The following PRKAG2 variants were observed in gnomAD, a reference collection of about 807,000 sequenced individuals.
PRKAG2 encodes the protein protein kinase AMP-activated non-catalytic subunit gamma 2.
PRKAG2 carries 26 observed loss-of-function variants against 69.6 expected under a neutral mutation model. That is an observed-to-expected ratio of 0.37 (90% confidence interval 0.27 to 0.52). The LOEUF is 0.52. Ranked by LOEUF, PRKAG2 falls within the 20% of genes least tolerant of loss-of-function variation. The probability of loss-of-function intolerance (pLI) is 0.90; values close to 1 mark genes in which losing one functional copy is unlikely to be tolerated. For synonymous variants in PRKAG2, 293 were observed against 285.0 expected (o/e 1.03, Z -0.28); for missense variants, 557 against 740.0 (o/e 0.75, Z 2.87).
At chr7:151,711,989 G>A (rs1053913394) in intron 3 of PRKAG2, among the ~76,000 whole-genome samples, 1 of 152,184 alleles carries the variant, frequency 6.6e-6, no homozygotes. Flanking sequence ...TTTCCCAGGC[G>A]CCCCAGGTGG....
intron 5 of PRKAG2, among the ~76,000 whole-genome samples, chr7:151,625,693 G>A (rs1822671863): frequency 6.6e-6 from 1 of 152,162 alleles, no homozygotes; most frequent in African/African-American, 2.4e-5. Flanking sequence ...CTGGAGTCAA[G>A]CAGCTTTCCT....
intron 1 of PRKAG2, among the ~76,000 whole-genome samples, chr7:151,799,110 C>T (rs1323869293): frequency 6.6e-6 from 1 of 152,168 alleles, no homozygotes; most frequent in African/African-American, 2.4e-5. Flanking sequence ...ACCTCTAGCG[C>T]CTAAACCCAG....
intron 1 of PRKAG2, among the ~76,000 whole-genome samples, chr7:151,817,347 C>T (rs751755761): frequency 6.6e-6 from 1 of 152,208 alleles, no homozygotes; most frequent in Non-Finnish European, 1.5e-5. Flanking sequence ...ATTCATCCTC[C>T]TAAACTCTGT....
chr7:151,568,709 T>A lies in PRKAG2; in HGVS notation c.1233+7A>T. On this transcript the variant is annotated splice_region_variant and intron_variant, in intron 11 of 15. Coordinates refer to ENST00000287878, the MANE Select transcript of PRKAG2 (RefSeq NM_016203.4). The stretch of plus-strand genomic sequence containing the variant: ...TTATGTCTTTAGAAACGCTAAAAAC[T>A]ACTTACAAAAAGCTGGAGGAACTTG... 6.2e-7 allele frequency: 1 copy of A among 1,613,580 alleles called. No individual in the cohort carries two copies. Among genetic ancestry groups the A allele is most frequent in the Admixed American group, 1.7e-5 (1 of 60,028 alleles).
intron 1 of PRKAG2, among the ~76,000 whole-genome samples, chr7:151,854,415 G>A (rs1289250062): frequency 6.6e-6 from 1 of 152,220 alleles, no homozygotes. Flanking sequence ...GCTCCTCCAC[G>A]CCATCAGGGC....
intron 5 of PRKAG2, among the ~76,000 whole-genome samples, chr7:151,611,148 G>A (rs6464153): frequency 0.16 from 24,628 of 152,138 alleles, 2,763 homozygotes; most frequent in African/African-American, 0.31. Context: ...AGAAGGAACA[G>A]AGAAGAGATG....
At chr7:151,675,956 A>C (rs1233668290) in intron 3 of PRKAG2, among the ~76,000 whole-genome samples, 1 of 152,164 alleles carries the variant, frequency 6.6e-6, no homozygotes, top group Non-Finnish European at 1.5e-5. Context: ...CTGTTTCCAG[A>C]AACGCCTCAC....
chr7:151,875,562 G>GGGGTGTGTGTGT (rs1158947028), intron 1 of PRKAG2, among the ~76,000 whole-genome samples: 1 of 131,344 alleles, frequency 7.6e-6, no homozygotes, highest in African/African-American at 2.9e-5. Context: ...GGAGCACTCT[G>GGGGTGTGTGTGT]GTGTGTGTGT....
At chr7:151,611,327 C>G (rs1332414103) in intron 5 of PRKAG2, among the ~76,000 whole-genome samples, 1 of 152,182 alleles carries the variant, frequency 6.6e-6, no homozygotes, top group African/African-American at 2.4e-5. Flanking sequence ...ACAGAACCAC[C>G]TTCGTTTACT....
chr7:151,862,418 G>A (rs910292449), intron 1 of PRKAG2, among the ~76,000 whole-genome samples: 1 of 152,152 alleles, frequency 6.6e-6, no homozygotes, highest in Non-Finnish European at 1.5e-5. Flanking sequence ...TGTAAAAAAC[G>A]GGTTCACTCA....
At chr7:151,796,822 A>G (rs958514289) in intron 1 of PRKAG2, among the ~76,000 whole-genome samples, 3 of 152,134 alleles carry the variant, frequency 2.0e-5, no homozygotes, top group African/African-American at 7.2e-5. Flanking sequence ...AGGGAATGAC[A>G]TCCTGATGCG....
At chr7:151,855,623 A>ACTCCACACACACCACC (rs1303807651) in intron 1 of PRKAG2, among the ~76,000 whole-genome samples, 1 of 92,910 alleles carries the variant, frequency 1.1e-5, no homozygotes, top group Non-Finnish European at 2.4e-5. Flanking sequence ...CACACACCAC[A>ACTCCACACACACCACC]CTCCACACAC....
Position 151,564,946 on chromosome 7 carries a change from G to A in PRKAG2, c.1437+400C>T, listed in dbSNP as rs536268319. On this transcript the variant is annotated intron_variant, in intron 13 of 15. Coordinates refer to ENST00000287878, the MANE Select transcript of PRKAG2 (RefSeq NM_016203.4). ...AGTGTCAGTCCCCTTTTCTTCTTTA[G>A]AACAGTGGCTCCCAATCACTAAGCA... Among the ~76,000 whole-genome samples the A allele has an allele frequency of 2.6e-5, 4 of 152,222 alleles. No homozygotes were observed. The East Asian group carries it at 7.7e-4, about 29-fold the overall frequency.
chr7:151,735,839 C>T (rs902689943), intron 3 of PRKAG2: 36 of 1,532,106 alleles, frequency 2.3e-5, no homozygotes, highest in Admixed American at 1.4e-4. Context: ...TGTGCACACA[C>T]GCCGTGGGGT....
chr7:151,765,902 C>T (rs950044279), intron 3 of PRKAG2, among the ~76,000 whole-genome samples: 1 of 152,214 alleles, frequency 6.6e-6, no homozygotes, highest in African/African-American at 2.4e-5. Context: ...TGACCCCTGG[C>T]ACTCCTGACC....
At chr7:151,604,703 C>A (rs1457035617) in intron 5 of PRKAG2, among the ~76,000 whole-genome samples, 1 of 151,906 alleles carries the variant, frequency 6.6e-6, no homozygotes, top group Non-Finnish European at 1.5e-5. Flanking sequence ...CCACATTATT[C>A]AGATTTCCTT....
intron 1 of PRKAG2, among the ~76,000 whole-genome samples, 195 bp from the exon 2 acceptor site, chr7:151,786,736 G>A (rs535674619): frequency 1.8e-4 from 27 of 152,272 alleles, no homozygotes; most frequent in Admixed American, 7.2e-4. Context: ...CTTCCAGAAC[G>A]TGCAGTCAAA....
chr7:151,703,845 AACAC>A (rs535818189), intron 3 of PRKAG2, among the ~76,000 whole-genome samples: 5,168 of 88,212 alleles, frequency 0.059, 123 homozygotes, highest in Non-Finnish European at 0.063. Context: ...TTTACTGGAA[AACAC>A]ACACACACAC....
Position 151,744,777 on chromosome 7 carries a change from G to A in PRKAG2, c.466+36375C>T, listed in dbSNP as rs139146820. Among the ~76,000 whole-genome samples, 669 of 152,204 alleles carry A rather than the reference G, an allele frequency of 4.4e-3. 10 individuals carry two copies. The highest frequency in any genetic ancestry group is 0.015 in the African/African-American group (642 of 41,532). Reference sequence around the variant, plus strand: ...GGCTGCTGAGGCCTGGGAGCACCGCGCAGGCAGAATCAGCCCGGCCGACCG... The same window carrying A: ...GGCTGCTGAGGCCTGGGAGCACCGCACAGGCAGAATCAGCCCGGCCGACCG... On this transcript the variant is annotated intron_variant, in intron 3 of 15. Transcript: ENST00000287878.
Sources: allele counts gnomAD v4.1 joint callset (sites outside exome capture counted in the v4.1 genomes callset), GRCh38; gene constraint gnomAD v4.1.1; transcripts MANE v1.5; gene names NCBI Gene and HGNC (gene_info 2026-07-23, HGNC 2026-07-21).